Variants in CARM1 observed in about 807,000 individuals in gnomAD.
CARM1 encodes histone-arginine methyltransferase CARM1.
CARM1 carries 14 observed loss-of-function variants against 72.7 expected under a neutral mutation model. The ratio of observed to expected loss-of-function variants is 0.19; its 90% CI spans 0.13 to 0.30. The LOEUF (loss-of-function observed/expected upper bound fraction) is 0.30, where lower values mean the gene tolerates loss of function less well. Among genes scored for constraint, CARM1 ranks in the 10% least tolerant of loss-of-function variants. CARM1 has a pLI of 1.00. For synonymous variants in CARM1, 333 were observed against 345.5 expected (o/e 0.96, Z 0.40); for missense variants, 432 against 833.7 (o/e 0.52, Z 5.93).
In CARM1 at chr19:10,919,970, A is replaced by AGTGCCGCAGAGCAGCCC; in HGVS notation, c.1196+5_1196+21dup. On this transcript the variant is annotated splice_donor_region_variant and intron_variant, in intron 10 of 15. Coordinates refer to ENST00000327064, the MANE Select transcript of CARM1 (RefSeq NM_199141.2). ...ACGTTGCTTTCATCGGCTCCATGTG[A>AGTGCCGCAGAGCAGCCC]GTGCCGCAGAGCAGCCCATGCTGCC... 6.2e-7 allele frequency: 1 copy of AGTGCCGCAGAGCAGCCC among 1,611,148 alleles called. No individual in the cohort carries two copies. Among genetic ancestry groups the AGTGCCGCAGAGCAGCCC allele is most frequent in the Non-Finnish European group, 8.5e-7 (1 of 1,177,594 alleles).
intron 8 of CARM1, 166 bp from the exon 9 acceptor site, chr19:10,919,429 G>C: frequency 1.7e-6 from 1 of 597,758 alleles, no homozygotes; most frequent in Non-Finnish European, 3.0e-6. Flanking sequence ...GATTGCCCTC[G>C]GTGGCGTTGT....
rs1477140130 is a variant in CARM1 at position 10,909,193 on chromosome 19, G to A, written c.544G>A (p.Asp182Asn). 7 of 1,612,402 alleles carry A rather than the reference G, an allele frequency of 4.3e-6. No individual in the cohort carries two copies. The highest frequency in any genetic ancestry group is 3.3e-5 in the Admixed American group (2 of 59,982). The change falls in exon 4 of 16, where the codon GAC becomes AAC. Residue 182 changes from aspartate (D) to asparagine (N), a missense_variant. Physicochemically the swap from Asp to Asn is conservative, Grantham distance 23. Coordinates refer to ENST00000327064, the MANE Select transcript of CARM1 (RefSeq NM_199141.2). ...GCGCGCCATCCTGCAAAACCACACCGACTTCAAGGACAAGGTGAGTGGCCC... is the reference window on the plus strand; with the variant it reads ...GCGCGCCATCCTGCAAAACCACACCAACTTCAAGGACAAGGTGAGTGGCCC... ...YQRAILQNHT[D>N]FKDKIVLDVG...
chr19:10,920,778 G>C lies in CARM1; in HGVS notation c.1424+30G>C. The C allele has an allele frequency of 6.2e-7, 1 of 1,613,658 alleles. No homozygotes were observed. On this transcript the variant is annotated intron_variant, in intron 12 of 15. Coordinates refer to ENST00000327064, the MANE Select transcript of CARM1 (RefSeq NM_199141.2). The surrounding 1 kb of genome is among the most constrained non-coding windows in gnomAD (Gnocchi z 5.3). ...GAGGGGCCCCTTGCCTGCACAGGGGGGCGCCCCGGCCCTGCAACCCCCTTG... is the reference window on the plus strand; with the variant it reads ...GAGGGGCCCCTTGCCTGCACAGGGGCGCGCCCCGGCCCTGCAACCCCCTTG...
chr19:10,901,488 G>T (rs185494099), intron 1 of CARM1, among the ~76,000 whole-genome samples: 2 of 151,630 alleles, frequency 1.3e-5, no homozygotes, highest in Non-Finnish European at 2.9e-5. Context: ...GGCTAATTTT[G>T]TTTATTTTTT....
intron 1 of CARM1, among the ~76,000 whole-genome samples, chr19:10,894,098 C>T (rs1048278075): frequency 1.3e-5 from 2 of 152,210 alleles, no homozygotes; most frequent in South Asian, 2.1e-4. Context: ...GCTCAGGTGT[C>T]GCCTCCTCCC....
chr19:10,884,790 C>T (rs912541461), intron 1 of CARM1, among the ~76,000 whole-genome samples: 2 of 152,158 alleles, frequency 1.3e-5, no homozygotes, highest in Admixed American at 6.5e-5. Context: ...CTGCAACCTC[C>T]GCCTCCCGGG....
At chr19:10,918,696 C>G (rs1247838824) in intron 8 of CARM1, among the ~76,000 whole-genome samples, 3 of 152,130 alleles carry the variant, frequency 2.0e-5, no homozygotes, top group Non-Finnish European at 4.4e-5. Context: ...ATCCGAGCTG[C>G]CTTGGTAACC....
intron 1 of CARM1, among the ~76,000 whole-genome samples, chr19:10,890,672 C>G (rs546180356): frequency 6.8e-6 from 1 of 147,478 alleles, no homozygotes; most frequent in South Asian, 2.1e-4. Flanking sequence ...TATGTGTATA[C>G]GTATATACAT....
intron 4 of CARM1, among the ~76,000 whole-genome samples, chr19:10,910,500 G>A (rs546470321): frequency 1.7e-3 from 264 of 151,726 alleles, no homozygotes; most frequent in Non-Finnish European, 3.3e-3. Flanking sequence ...AAGTAGAAAT[G>A]TATAATGTAT....
At chr19:10,884,354 A>C (rs1419671503) in intron 1 of CARM1, among the ~76,000 whole-genome samples, 5 of 151,748 alleles carry the variant, frequency 3.3e-5, no homozygotes, top group African/African-American at 4.8e-5. Context: ...AAAAAAAAAA[A>C]AACAAAAAGA....
rs897381517 is a variant in CARM1 at position 10,915,749 on chromosome 19, G to A, written c.848-658G>A. ...AGGCCAGGTGCTCCTTGGGGCAGGC[G>A]GGGCTGCGGGGCCCTGATCCTCCCT... is the stretch of plus-strand genomic sequence containing the variant. On this transcript the variant is annotated intron_variant, in intron 6 of 15. Coordinates refer to ENST00000327064, the MANE Select transcript of CARM1 (RefSeq NM_199141.2). The surrounding 1 kb of genome is among the most constrained non-coding windows in gnomAD (Gnocchi z 4.6). 3.9e-5 allele frequency among the ~76,000 whole-genome samples: 6 copies of A among 152,146 alleles called. No homozygotes were observed. Among genetic ancestry groups the A allele is most frequent in the African/African-American group, 9.6e-5 (4 of 41,452 alleles).
chr19:10,908,240 C>A, intron 3 of CARM1, 95 bp downstream of exon 3: 2 of 793,336 alleles, frequency 2.5e-6, no homozygotes, highest in South Asian at 1.5e-5. Context: ...AAGGCCCACC[C>A]AAGTTCCCGT....
At chr19:10,921,349 C>T (rs1262037399) in intron 14 of CARM1, 26 bp from the exon 15 acceptor site, 2 of 1,609,964 alleles carry the variant, frequency 1.2e-6, no homozygotes, top group Non-Finnish European at 1.7e-6. Flanking sequence ...GTCTCCCTTC[C>T]TTCTTTCCTC....
Position 10,920,124 on chromosome 19 carries a change from GT to G in CARM1, c.1196+159del, listed in dbSNP as rs1568357426. Among the ~76,000 whole-genome samples, 45 of 1,988 alleles carry G rather than the reference GT, an allele frequency of 0.023. No homozygotes were observed. Among genetic ancestry groups the G allele is most frequent in the Admixed American group, 0.18 (24 of 132 alleles). 1.3% of individuals were successfully genotyped at this position (1,988 alleles called of 152,430 possible). A position where few individuals can be genotyped will look rare whatever the true frequency, so the allele number is the denominator to read the frequency against. ...GGAGCAAGAGACTGTTGTGGGTGGG[GT>G]GTGTGTGTGTGTGTGTGTATGTGTG... On this transcript the variant is annotated intron_variant, in intron 10 of 15. Transcript: ENST00000327064. The surrounding 1 kb of genome is among the most constrained non-coding windows in gnomAD (Gnocchi z 5.3).
In CARM1 at chr19:10,912,713, C is replaced by A. The variant is rs915952705; in HGVS notation, c.669+419C>A. ...CTCGCACCAGTGGAGGCTGCACCCTCCATTCCCTGCTCTGCCTCTCCCATG... is the reference window on the plus strand; with the variant it reads ...CTCGCACCAGTGGAGGCTGCACCCTACATTCCCTGCTCTGCCTCTCCCATG... On this transcript the variant is annotated intron_variant, in intron 5 of 15. Coordinates refer to ENST00000327064, the MANE Select transcript of CARM1 (RefSeq NM_199141.2). This position sits in a 1 kb window ranked among gnomAD's most constrained non-coding sequence, Gnocchi z 4.5. Among the ~76,000 whole-genome samples the A allele has an allele frequency of 1.3e-5, 2 of 152,140 alleles. No individual in the cohort carries two copies. The highest frequency in any genetic ancestry group is 6.6e-5 in the Admixed American group (1 of 15,266).
intron 1 of CARM1, among the ~76,000 whole-genome samples, chr19:10,894,384 C>T (rs2074009130): frequency 6.6e-6 from 1 of 152,086 alleles, no homozygotes; most frequent in Non-Finnish European, 1.5e-5. Flanking sequence ...TTTTCCGTGC[C>T]TGTGGGATGG....
Position 10,896,162 on chromosome 19 carries a change from C to T in CARM1, c.221-8789C>T, listed in dbSNP as rs936517019. ...GGTGACTGAGGCATGGTATGTCGCC[C>T]GGCACCATCTGCTCAGTGAGACCCT... is the stretch of plus-strand genomic sequence containing the variant. On this transcript the variant is annotated intron_variant, in intron 1 of 15. Coordinates refer to ENST00000327064, the MANE Select transcript of CARM1 (RefSeq NM_199141.2). This position sits in a 1 kb window ranked among gnomAD's most constrained non-coding sequence, Gnocchi z 5.2. Among the ~76,000 whole-genome samples, 1 of 151,994 alleles carries T rather than the reference C, an allele frequency of 6.6e-6. No individual in the cohort carries two copies. Among genetic ancestry groups the T allele is most frequent in the Non-Finnish European group, 1.5e-5 (1 of 67,972 alleles).
At position 10,920,144 on chromosome 19, in the gene CARM1, A is replaced by G. The variant is rs111884655; in HGVS notation, c.1196+178A>G. 1.0e-4 allele frequency among the ~76,000 whole-genome samples: 13 copies of G among 127,004 alleles called. No individual in the cohort carries two copies. The highest frequency in any genetic ancestry group is 5.2e-4 in the South Asian group (2 of 3,846). 83.3% of individuals were successfully genotyped at this position (127,004 alleles called of 152,430 possible). On this transcript the variant is annotated intron_variant, in intron 10 of 15. Transcript: ENST00000327064. This position sits in a 1 kb window ranked among gnomAD's most constrained non-coding sequence, Gnocchi z 5.3. Reference sequence around the variant, plus strand: ...GTGGGGTGTGTGTGTGTGTGTGTGTATGTGTGTGTGTGTCCTGTGTTCCCA... The same window carrying G: ...GTGGGGTGTGTGTGTGTGTGTGTGTGTGTGTGTGTGTGTCCTGTGTTCCCA...
chr19:10,879,535 C>G (rs898387240), intron 1 of CARM1, among the ~76,000 whole-genome samples: 4 of 152,118 alleles, frequency 2.6e-5, no homozygotes, highest in African/African-American at 9.7e-5. Context: ...TGGAGACAGC[C>G]ACCTGGCTTG....
Sources: allele counts gnomAD v4.1 joint callset (sites outside exome capture counted in the v4.1 genomes callset), GRCh38; gene constraint gnomAD v4.1.1; non-coding constraint Gnocchi (gnomAD v3.1); transcripts MANE v1.5; gene names NCBI Gene and HGNC (gene_info 2026-07-23, HGNC 2026-07-21).